Variants in CD40 observed in about 807,000 individuals in gnomAD.
The protein encoded by CD40 is tumor necrosis factor receptor superfamily member 5.
In CD40, 19 loss-of-function variants were observed where a neutral mutation model predicts 38.5. That is an observed-to-expected ratio of 0.49 (90% CI 0.34 to 0.72). The LOEUF (loss-of-function observed/expected upper bound fraction) is 0.72. CD40 is among the 30% of genes least tolerant of loss of function. The pLI is 0.01. For missense variants in CD40, 256 were observed against 344.1 expected, an observed-to-expected ratio of 0.74 and a Z score of 2.03; for synonymous variants, 130 against 128.7, an observed-to-expected ratio of 1.01 and a Z score of -0.07.
rs893641901 is a variant in CD40, at chr20:46,129,777, A to G, written c.*737A>G. On this transcript the variant is annotated 3_prime_UTR_variant, in exon 9 of 9. Coordinates refer to ENST00000372285, the MANE Select transcript of CD40 (RefSeq NM_001250.6). ...GGTTAAAGGGAGATTTGGCTTTCCC[A>G]TAATGCTTCATCATTTTTCCCAAAA... The G allele has an allele frequency of 7.9e-5, 12 of 152,252 alleles. No homozygotes were observed. Among genetic ancestry groups the G allele is most frequent in the African/African-American group, 2.9e-4 (12 of 41,446 alleles). The allele number at this position is 152,252 out of a possible 1,614,324, so 9.4% of individuals were successfully genotyped here.
intron 8 of CD40, 191 bp from the exon 9 acceptor site, chr20:46,128,691 C>T (rs993885835): frequency 2.1e-5 from 14 of 678,272 alleles, no homozygotes; most frequent in Middle Eastern, 2.4e-4. Flanking sequence ...CCCACTGGCT[C>T]CCACTCTGGA....
intron 6 of CD40, chr20:46,127,349 T>C (rs2085457654): frequency 6.4e-6 from 1 of 155,316 alleles, no homozygotes; most frequent in Non-Finnish European, 1.4e-5. Flanking sequence ...AAATCCATGA[T>C]GAGCAAGATA....
chr20:46,127,089 C>G (rs983632565), intron 6 of CD40: 7 of 272,612 alleles, frequency 2.6e-5, no homozygotes, highest in Admixed American at 9.5e-5. Context: ...ACATATGTAA[C>G]AAACCTGCAC....
intron 8 of CD40, 153 bp downstream of exon 8, chr20:46,128,511 C>A: frequency 1.2e-6 from 1 of 833,506 alleles, no homozygotes; most frequent in Non-Finnish European, 2.0e-6. Context: ...ACCCACCATG[C>A]TCCTTCCATC....
At chr20:46,123,329 T>G in intron 5 of CD40, 110 bp downstream of exon 5, 1 of 891,102 alleles carries the variant, frequency 1.1e-6, no homozygotes, top group Non-Finnish European at 1.9e-6. Flanking sequence ...CACACACTCA[T>G]GTACTTGTGA....
intron 1 of CD40, among the ~76,000 whole-genome samples, chr20:46,119,522 T>G (rs1483507088): frequency 6.6e-6 from 1 of 150,950 alleles, no homozygotes; most frequent in African/African-American, 2.4e-5. Flanking sequence ...CCAGAGGAGG[T>G]GGGGTGAAGG....
intron 5 of CD40, among the ~76,000 whole-genome samples, chr20:46,124,761 T>TTTG (rs2085393369): frequency 9.7e-6 from 1 of 103,128 alleles, no homozygotes; most frequent in Admixed American, 9.6e-5. Flanking sequence ...GTTTTTTTTT[T>TTTG]TTTTTTTTTT....
intron 7 of CD40, 22 bp from the exon 8 acceptor site, chr20:46,128,304 CTTTT>C (rs749590513): frequency 2.2e-4 from 318 of 1,437,080 alleles, no homozygotes; most frequent in Admixed American, 3.3e-4. Context: ...ACTCCCCATC[CTTTT>C]TTTTTTTTTT....
In CD40 at chr20:46,122,382, A is replaced by C. The variant is rs931946898; in HGVS notation, c.256+24A>C. On this transcript the variant is annotated intron_variant, in intron 3 of 8. Transcript: ENST00000372285. The surrounding 1 kb of genome is among the most constrained non-coding windows in gnomAD (Gnocchi z 5.0). Reference sequence around the variant, plus strand: ...CAGTGCGTGCGCTGTTGGGAAAGGGACGCTTGGGAACCGGGCTGATATTCC... The same window carrying C: ...CAGTGCGTGCGCTGTTGGGAAAGGGCCGCTTGGGAACCGGGCTGATATTCC... The C allele has an allele frequency of 6.2e-7, 1 of 1,614,058 alleles. No individual in the cohort carries two copies. The highest frequency in any genetic ancestry group is 8.5e-7 in the Non-Finnish European group (1 of 1,180,020).
At chr20:46,128,395 C>G in intron 8 of CD40, 37 bp downstream of exon 8, 1 of 1,600,546 alleles carries the variant, frequency 6.2e-7, no homozygotes, top group African/African-American at 1.4e-5. Flanking sequence ...AGAGTTTTGA[C>G]AAACTGGGAA....
intron 6 of CD40, 108 bp downstream of exon 6, chr20:46,126,809 T>G: frequency 6.3e-7 from 1 of 1,583,826 alleles, no homozygotes; most frequent in Admixed American, 1.8e-5. Flanking sequence ...GGGAGGCAGT[T>G]TGGGGGTGTG....
intron 5 of CD40, among the ~76,000 whole-genome samples, chr20:46,124,750 A>AGTTTTTTTT (rs2085390111): frequency 1.5e-5 from 1 of 65,392 alleles, no homozygotes; most frequent in African/African-American, 4.6e-5. Flanking sequence ...CCACTGGTAT[A>AGTTTTTTTT]GTTTTTTTTT....
chr20:46,118,647 G>C (rs1388208243), intron 1 of CD40, among the ~76,000 whole-genome samples: 1 of 152,168 alleles, frequency 6.6e-6, no homozygotes, highest in Admixed American at 6.5e-5. Flanking sequence ...GTGCCTAGAC[G>C]GCCTGGACGG....
intron 8 of CD40, 76 bp downstream of exon 8, chr20:46,128,434 T>A: frequency 6.7e-7 from 1 of 1,482,056 alleles, no homozygotes; most frequent in Non-Finnish European, 9.4e-7. Flanking sequence ...TATGGGGCAG[T>A]AAAACTGATT....
intron 5 of CD40, 117 bp downstream of exon 5, chr20:46,123,336 G>T (rs1177224746): frequency 8.0e-6 from 7 of 870,956 alleles, no homozygotes; most frequent in Non-Finnish European, 1.4e-5. Flanking sequence ...TCATGTACTT[G>T]TGAAGCATCT....
Position 46,128,242 on chromosome 20 carries a change from G to A in CD40, c.646+18G>A. 4 of 1,613,690 alleles carry A rather than the reference G, an allele frequency of 2.5e-6. No homozygotes were observed. The highest frequency in any genetic ancestry group is 3.4e-6 in the Non-Finnish European group (4 of 1,179,760). On this transcript the variant is annotated intron_variant, in intron 7 of 8. Coordinates refer to ENST00000372285, the MANE Select transcript of CD40 (RefSeq NM_001250.6). ...CTTTATCAGTGAGTCCTCAGGTGGGGAGGTGTTGGGGGAGGGAGGGGAGAC... is the reference window on the plus strand; with the variant it reads ...CTTTATCAGTGAGTCCTCAGGTGGGAAGGTGTTGGGGGAGGGAGGGGAGAC...
Position 46,122,699 on chromosome 20 carries a change from T to C in CD40, c.346T>C (p.Cys116Arg), listed in dbSNP as rs772829518. The C allele has an allele frequency of 6.2e-7, 1 of 1,614,150 alleles. No homozygotes were observed. Among genetic ancestry groups the C allele is most frequent in the Admixed American group, 1.7e-5 (1 of 60,028 alleles). Reference protein sequence around the residue: ...EEGWHCTSEACESCVLHRSCS... With the variant: ...EEGWHCTSEARESCVLHRSCS... ...AGGCTGGCACTGTACGAGTGAGGCC[T>C]GTGAGAGCTGTGTCCTGCACCGCTC... Residue 116 changes from cysteine (C) to arginine (R), a missense_variant, in exon 4 of 9, where the codon TGT becomes CGT. Physicochemically the swap from Cys to Arg is radical, Grantham distance 180. Coordinates refer to ENST00000372285, the MANE Select transcript of CD40 (RefSeq NM_001250.6). This position sits in a 1 kb window ranked among gnomAD's most constrained non-coding sequence, Gnocchi z 5.0.
At position 46,122,907 on chromosome 20, in the gene CD40, C is replaced by A; in HGVS notation, c.403+151C>A. The A allele has an allele frequency of 1.9e-6, 2 of 1,045,520 alleles. No individual in the cohort carries two copies. Among genetic ancestry groups the A allele is most frequent in the South Asian group, 3.0e-5 (2 of 66,902 alleles). 64.8% of individuals were successfully genotyped at this position (1,045,520 alleles called of 1,614,324 possible). A position where few individuals can be genotyped will look rare whatever the true frequency, so the allele number is the denominator to read the frequency against. ...TATCCCCACTGGAGTGAGCTGCAGA[C>A]GGGACCTTGTTCATTCTGCCTTCTG... On this transcript the variant is annotated intron_variant, in intron 4 of 8. Transcript: ENST00000372285. This position sits in a 1 kb window ranked among gnomAD's most constrained non-coding sequence, Gnocchi z 5.0.
chr20:46,125,492 T>C (rs1298995178), intron 5 of CD40, among the ~76,000 whole-genome samples: 1 of 134,326 alleles, frequency 7.4e-6, no homozygotes, highest in Non-Finnish European at 1.5e-5. Flanking sequence ...TGCAGTGAGC[T>C]GAGATCGCGC....
Sources: gnomAD v4.1 joint callset for allele counts (sites outside exome capture counted in the v4.1 genomes callset) on GRCh38, gnomAD v4.1.1 for gene constraint, Gnocchi (gnomAD v3.1) non-coding constraint, MANE v1.5 for transcripts, NCBI Gene and HGNC (gene_info 2026-07-23, HGNC 2026-07-21) for gene names.